SSH2: variants seen among roughly 807,000 people sequenced by gnomAD.
The protein encoded by SSH2 is protein phosphatase Slingshot homolog 2.
A neutral mutation model predicts 135.2 loss-of-function variants in SSH2; 37 were observed. That is an observed-to-expected ratio of 0.27 (90% confidence interval 0.21 to 0.36). SSH2 has a LOEUF of 0.36. Among genes scored for constraint, SSH2 ranks in the 10% least tolerant of loss-of-function variants. SSH2 has a pLI of 1.00. For synonymous variants in SSH2, 628 were observed against 646.2 expected, an observed-to-expected ratio of 0.97 and a Z score of 0.43; for missense variants, 1,408 against 1,765.3, an observed-to-expected ratio of 0.80 and a Z score of 3.63.
chr17:29,792,645 C>T (rs931824244), intron 3 of SSH2, among the ~76,000 whole-genome samples: 1 of 152,114 alleles, frequency 6.6e-6, no homozygotes, highest in Non-Finnish European at 1.5e-5. Flanking sequence ...CAACAAACAC[C>T]TGATAATAAT....
At position 29,848,918 on chromosome 17, in the gene SSH2, C is replaced by T; in HGVS notation, c.75G>A (p.Leu25=). 2 of 1,533,700 alleles carry T rather than the reference C, an allele frequency of 1.3e-6. No individual in the cohort carries two copies. Among genetic ancestry groups the T allele is most frequent in the Non-Finnish European group, 8.7e-7 (1 of 1,145,222 alleles). Residue 25 remains leucine (L), a synonymous_variant, in exon 2 of 16, where the codon TTG becomes TTA. Transcript: ENST00000540801. The stretch of plus-strand genomic sequence containing the variant: ...GTAATGCTGCTGATTCACTGTCTTC[C>T]AAATGAGAGCTCTGTAATACAAACA... ...TSSPCASSSH[L]EDSESAALLC... is the part of the protein sequence containing the mutation.
chr17:29,707,914 C>T (rs1326518639), intron 3 of SSH2, among the ~76,000 whole-genome samples: 1 of 152,072 alleles, frequency 6.6e-6, no homozygotes, highest in Non-Finnish European at 1.5e-5. Context: ...AATCAATCCT[C>T]TTTATTCCAT....
intron 2 of SSH2, among the ~76,000 whole-genome samples, chr17:29,798,751 C>T (rs1302762937): frequency 1.3e-5 from 2 of 152,138 alleles, no homozygotes; most frequent in African/African-American, 2.4e-5. Flanking sequence ...TTGCCATTAA[C>T]TGTGGTGTTT....
intron 14 of SSH2, among the ~76,000 whole-genome samples, chr17:29,637,893 C>T (rs936644120): frequency 3.9e-5 from 6 of 152,018 alleles, no homozygotes; most frequent in East Asian, 3.9e-4. Flanking sequence ...GCGGGCGGAT[C>T]GCTTGAGGTC....
At chr17:29,794,029 GTACTTGAACTAAATTACTCATGTTGTA>G in intron 2 of SSH2, 92 bp from the exon 3 acceptor site, 1 of 999,774 alleles carries the variant, frequency 1.0e-6, no homozygotes, top group East Asian at 2.5e-5. Context: ...CACATGTTGT[GTACTTGAACTAAATTACTCATGTTGTA>G]TACTTGAACT....
intron 2 of SSH2, among the ~76,000 whole-genome samples, chr17:29,802,618 CA>C (rs74267073): frequency 0.032 from 1,828 of 57,414 alleles, 16 homozygotes; most frequent in African/African-American, 0.1. Context: ...ACTGTTTCTA[CA>C]AAAAAAAAAA....
At chr17:29,798,004 T>C (rs2042187326) in intron 2 of SSH2, among the ~76,000 whole-genome samples, 1 of 152,130 alleles carries the variant, frequency 6.6e-6, no homozygotes, top group Non-Finnish European at 1.5e-5. Context: ...TATAGTTTCA[T>C]ATAAAATTGC....
chr17:29,682,986 T>C (rs546750278), intron 6 of SSH2, among the ~76,000 whole-genome samples: 2 of 152,196 alleles, frequency 1.3e-5, no homozygotes, highest in Non-Finnish European at 2.9e-5. Context: ...CCCAAGTCAT[T>C]TTCAGGTTGA....
chr17:29,630,105 C>T lies in SSH2; in HGVS notation c.*736G>A, dbSNP rs1364816898. 6.6e-6 allele frequency: 1 copy of T among 152,258 alleles called. No individual in the cohort carries two copies. 9.4% of individuals were successfully genotyped at this position (152,258 alleles called of 1,614,324 possible). A position where few individuals can be genotyped will look rare whatever the true frequency, so the allele number is the denominator to read the frequency against. ...TTTCTGGGCAGCAGCCTCTCCACCCCCAACTTTATGTCTTCCTCCTCTTAT... is the reference window on the plus strand; with the variant it reads ...TTTCTGGGCAGCAGCCTCTCCACCCTCAACTTTATGTCTTCCTCCTCTTAT... On this transcript the variant is annotated 3_prime_UTR_variant, in exon 16 of 16. Transcript: ENST00000540801.
intron 3 of SSH2, among the ~76,000 whole-genome samples, chr17:29,747,645 T>G (rs1598928623): frequency 6.6e-6 from 1 of 152,256 alleles, no homozygotes; most frequent in East Asian, 1.9e-4. Flanking sequence ...CATTCAACGA[T>G]GCAAAGCTAA....
chr17:29,901,152 A>G (rs1196250323), intron 1 of SSH2, among the ~76,000 whole-genome samples: 2 of 152,178 alleles, frequency 1.3e-5, no homozygotes, highest in Non-Finnish European at 2.9e-5. Flanking sequence ...GGGGAGAGGG[A>G]TAGCATTAGG....
intron 11 of SSH2, among the ~76,000 whole-genome samples, chr17:29,658,420 CT>C (rs2036880708): frequency 6.6e-6 from 1 of 151,474 alleles, no homozygotes; most frequent in Non-Finnish European, 1.5e-5. Context: ...CTCAAGTGAT[CT>C]TCCTGCCTCA....
At chr17:29,648,638 A>C (rs2036472762) in intron 13 of SSH2, among the ~76,000 whole-genome samples, 1 of 152,248 alleles carries the variant, frequency 6.6e-6, no homozygotes, top group Non-Finnish European at 1.5e-5. Context: ...GCTGGGATGC[A>C]AAGGTAAGTA....
chr17:29,899,453 G>A (rs1444233193), intron 1 of SSH2, among the ~76,000 whole-genome samples: 5 of 152,258 alleles, frequency 3.3e-5, no homozygotes, highest in South Asian at 4.1e-4. Flanking sequence ...AAATCAATGT[G>A]CAAAAATCAG....
At chr17:29,905,409 T>G (rs1369672526) in intron 1 of SSH2, among the ~76,000 whole-genome samples, 1 of 152,176 alleles carries the variant, frequency 6.6e-6, no homozygotes, top group Admixed American at 6.5e-5. Context: ...GAGGTGTGGC[T>G]GGGGCTGCAT....
chr17:29,827,189 A>G (rs966161950), intron 2 of SSH2, among the ~76,000 whole-genome samples: 1 of 152,250 alleles, frequency 6.6e-6, no homozygotes, highest in Non-Finnish European at 1.5e-5. Context: ...ACTTCTGAGT[A>G]CAAATCCAAG....
intron 3 of SSH2, among the ~76,000 whole-genome samples, chr17:29,767,567 C>G (rs1468493028): frequency 6.6e-6 from 1 of 151,558 alleles, no homozygotes; most frequent in Non-Finnish European, 1.5e-5. Flanking sequence ...AGAAATTTTG[C>G]TTGTATATGC....
chr17:29,760,385 T>C (rs1448505619), intron 3 of SSH2, among the ~76,000 whole-genome samples: 1 of 152,110 alleles, frequency 6.6e-6, no homozygotes, highest in African/African-American at 2.4e-5. Flanking sequence ...AACCACTGCA[T>C]TGATTTAAGG....
chr17:29,910,972 T>C (rs1201960342), intron 1 of SSH2, among the ~76,000 whole-genome samples: 1 of 152,212 alleles, frequency 6.6e-6, no homozygotes, highest in Non-Finnish European at 1.5e-5. Flanking sequence ...ATTATTCCCT[T>C]GGCCATATTC....
Sources: gnomAD v4.1 joint callset for allele counts (sites outside exome capture counted in the v4.1 genomes callset) on GRCh38, gnomAD v4.1.1 for gene constraint, MANE v1.5 for transcripts, NCBI Gene and HGNC (gene_info 2026-07-23, HGNC 2026-07-21) for gene names.